TLL1: variants seen among roughly 807,000 people sequenced by gnomAD.
The protein encoded by TLL1 is tolloid-like protein 1.
A neutral mutation model predicts 128.2 loss-of-function variants in TLL1; 49 were observed. That is an observed-to-expected ratio of 0.38 (90% CI 0.30 to 0.48). The LOEUF (loss-of-function observed/expected upper bound fraction) is 0.48. Among genes scored for constraint, TLL1 ranks in the 20% least tolerant of loss-of-function variants. The probability of loss-of-function intolerance (pLI) is 0.96; values close to 1 mark genes in which losing one functional copy is unlikely to be tolerated. For synonymous variants in TLL1, 454 were observed against 418.8 expected (o/e 1.08, Z -1.03); for missense variants, 1,123 against 1,242.0 (o/e 0.90, Z 1.44).
intron 17 of TLL1, among the ~76,000 whole-genome samples, chr4:166,077,344 T>C (rs1440232156): frequency 1.3e-5 from 2 of 152,128 alleles, no homozygotes; most frequent in Non-Finnish European, 2.9e-5. Context: ...CCTTAGTGCT[T>C]CCATTTGCTT....
chr4:165,984,951 A>G (rs904786527), intron 1 of TLL1, among the ~76,000 whole-genome samples: 9 of 152,136 alleles, frequency 5.9e-5, no homozygotes, highest in African/African-American at 1.9e-4. Flanking sequence ...AATAGGTAGC[A>G]CAAGCAGCCT....
chr4:166,087,287 T>C (rs1049751104), intron 18 of TLL1, among the ~76,000 whole-genome samples: 2 of 152,152 alleles, frequency 1.3e-5, no homozygotes, highest in Non-Finnish European at 2.9e-5. Context: ...ATATATGGGA[T>C]ATTTAAAAAA....
At position 166,055,153 on chromosome 4, in the gene TLL1, G is replaced by T; in HGVS notation, c.1602G>T (p.Gly534=). ...DGTSENSPLI[G]RFCGYDKPED... is the part of the protein sequence containing the mutation. The stretch of plus-strand genomic sequence containing the variant: ...CCAGTGAAAATAGCCCTTTGATAGG[G>T]CGTTTCTGTGGTTATGACAAACCTG... The change falls in exon 13 of 21, where the codon GGG becomes GGT. Residue 534 remains glycine (G), a synonymous_variant. Coordinates refer to ENST00000061240, the MANE Select transcript of TLL1 (RefSeq NM_012464.5). 1 of 1,613,466 alleles carries T rather than the reference G, an allele frequency of 6.2e-7. No individual in the cohort carries two copies. The highest frequency in any genetic ancestry group is 8.5e-7 in the Non-Finnish European group (1 of 1,179,670).
intron 1 of TLL1, among the ~76,000 whole-genome samples, chr4:165,939,439 T>G (rs962507907): frequency 6.6e-6 from 1 of 152,100 alleles, no homozygotes; most frequent in Admixed American, 6.6e-5. Context: ...TCCTCTGATA[T>G]CTGTAAAACT....
At chr4:165,936,223 CTTTT>C (rs942916662) in intron 1 of TLL1, among the ~76,000 whole-genome samples, 1 of 120,878 alleles carries the variant, frequency 8.3e-6, no homozygotes, top group South Asian at 2.7e-4. Flanking sequence ...TTTCTTTTTT[CTTTT>C]TTTTTTTTTT....
intron 1 of TLL1, among the ~76,000 whole-genome samples, chr4:165,912,261 C>T (rs530351702): frequency 9.9e-5 from 15 of 152,224 alleles, no homozygotes; most frequent in Non-Finnish European, 2.1e-4. Context: ...TTCCTGACTG[C>T]GTTCCTGGTC....
At chr4:165,911,645 C>T (rs1246988138) in intron 1 of TLL1, among the ~76,000 whole-genome samples, 1 of 152,096 alleles carries the variant, frequency 6.6e-6, no homozygotes, top group Non-Finnish European at 1.5e-5. Flanking sequence ...TTCTGAACCC[C>T]CTTTTTTTAA....
intron 1 of TLL1, among the ~76,000 whole-genome samples, chr4:165,928,734 G>A (rs1363564557): frequency 6.6e-6 from 1 of 152,168 alleles, no homozygotes; most frequent in Non-Finnish European, 1.5e-5. Context: ...CTCCTCTAGA[G>A]TGTGTGCATC....
chr4:166,027,974 A>G (rs1738584789), intron 9 of TLL1, among the ~76,000 whole-genome samples: 1 of 152,132 alleles, frequency 6.6e-6, no homozygotes, highest in South Asian at 2.1e-4. Context: ...TCTTAATATT[A>G]TTTATGACGA....
In TLL1 at chr4:165,990,442, C is replaced by G. The variant is rs757198721; in HGVS notation, c.280+951C>G. Among the ~76,000 whole-genome samples, 3 of 151,858 alleles carry G rather than the reference C, an allele frequency of 2.0e-5. No homozygotes were observed. The East Asian group carries it at 5.8e-4, about 29-fold the overall frequency. On this transcript the variant is annotated intron_variant, in intron 2 of 20. Transcript: ENST00000061240. ...TAAGACTTTTTACTGTGACTTTTTA[C>G]TTTGCCCAATTTACTTTTTTTGCCA...
rs144887296 is a variant in TLL1 at position 165,900,949 on chromosome 4, C to A, written c.169+26876C>A. Among the ~76,000 whole-genome samples, 478 of 151,832 alleles carry A rather than the reference C, an allele frequency of 3.1e-3. 7 individuals carry two copies. Among genetic ancestry groups the A allele is most frequent in the African/African-American group, 0.011 (439 of 41,420 alleles). Reference sequence around the variant, plus strand: ...TTTGTTCATTCCTTTTCATTCTTTTCTCTCTAATCTTGTCTTCATGCTTTA... The same window carrying A: ...TTTGTTCATTCCTTTTCATTCTTTTATCTCTAATCTTGTCTTCATGCTTTA... On this transcript the variant is annotated intron_variant, in intron 1 of 20. Coordinates refer to ENST00000061240, the MANE Select transcript of TLL1 (RefSeq NM_012464.5).
chr4:166,070,782 A>G (rs1161366868), intron 16 of TLL1, among the ~76,000 whole-genome samples: 1 of 151,862 alleles, frequency 6.6e-6, no homozygotes, highest in Non-Finnish European at 1.5e-5. Flanking sequence ...GATATTTGTA[A>G]GTGTCCTTCT....
intron 1 of TLL1, among the ~76,000 whole-genome samples, chr4:165,983,464 T>G (rs1484188675): frequency 6.6e-6 from 1 of 151,898 alleles, no homozygotes; most frequent in Non-Finnish European, 1.5e-5. Flanking sequence ...TTTTGATTCA[T>G]CTTGAAACTA....
chr4:166,091,029 C>G (rs1741746496), intron 18 of TLL1, 99 bp from the exon 19 acceptor site: 2 of 955,170 alleles, frequency 2.1e-6, no homozygotes, highest in Non-Finnish European at 3.2e-6. Context: ...TTAGTATGCC[C>G]TGAACATATT....
chr4:166,023,154 T>G (rs561058535), intron 8 of TLL1, among the ~76,000 whole-genome samples: 21 of 152,290 alleles, frequency 1.4e-4, no homozygotes, highest in Non-Finnish European at 2.5e-4. Context: ...ACCCCAGCAC[T>G]TTGGGAGGCC....
At chr4:165,892,821 T>C (rs1731487267) in intron 1 of TLL1, among the ~76,000 whole-genome samples, 1 of 152,236 alleles carries the variant, frequency 6.6e-6, no homozygotes. Flanking sequence ...ATTCCTTATA[T>C]TGAAGCCTTT....
intron 1 of TLL1, among the ~76,000 whole-genome samples, chr4:165,937,392 A>G (rs148544855): frequency 6.6e-6 from 1 of 152,324 alleles, no homozygotes; most frequent in African/African-American, 2.4e-5. Context: ...CCCACATTTC[A>G]CATACACATT....
chr4:166,081,510 C>A (rs1395493039), intron 18 of TLL1, among the ~76,000 whole-genome samples: 1 of 152,120 alleles, frequency 6.6e-6, no homozygotes, highest in Admixed American at 6.6e-5. Flanking sequence ...TGTGCAAGCT[C>A]CCCTCGTATC....
intron 1 of TLL1, among the ~76,000 whole-genome samples, chr4:165,986,404 G>A (rs1459808725): frequency 6.6e-6 from 1 of 151,706 alleles, no homozygotes; most frequent in Non-Finnish European, 1.5e-5. Flanking sequence ...TAAACTGTAT[G>A]ACAGGTTGAA....
Sources: gnomAD v4.1 joint callset for allele counts (sites outside exome capture counted in the v4.1 genomes callset) on GRCh38, gnomAD v4.1.1 for gene constraint, MANE v1.5 for transcripts, NCBI Gene and HGNC (gene_info 2026-07-23, HGNC 2026-07-21) for gene names.